Variants in CNTRL observed in about 807,000 individuals in gnomAD.
CNTRL encodes the protein 110 kDa centrosomal protein.
Under a neutral mutation model 303.7 loss-of-function variants are expected in CNTRL, and 233 were observed. The ratio of observed to expected loss-of-function variants is 0.77; its 90% CI spans 0.69 to 0.86. The LOEUF is 0.86. CNTRL is among the 40% of genes least tolerant of loss of function. The probability of loss-of-function intolerance (pLI) is 0.00; values close to 1 mark genes in which losing one functional copy is unlikely to be tolerated. For synonymous variants in CNTRL, 900 were observed against 922.2 expected (o/e 0.98, Z 0.44); for missense variants, 2,524 against 2,650.6 (o/e 0.95, Z 1.05).
chr9:121,159,106 G>T, intron 31 of CNTRL, 87 bp downstream of exon 31: 1 of 1,325,630 alleles, frequency 7.5e-7, no homozygotes, highest in South Asian at 1.4e-5. Flanking sequence ...CTCCCCAAAT[G>T]AAAATATAAA....
Position 121,113,637 on chromosome 9 carries a change from G to C in CNTRL, c.1258G>C (p.Glu420Gln), listed in dbSNP as rs765388993. ...ACAGATCAAGAAGATGGAGCCAGAT[G>C]AACAACTTAGAAATGATCACATGAA... ...AVQIKKMEPD[E>Q]QLRNDHMNLR... The change falls in exon 10 of 44, where the codon GAA (glutamate) becomes CAA (glutamine). Residue 420 changes from glutamate (E) to glutamine (Q), a missense_variant. Coordinates refer to ENST00000373855, the MANE Select transcript of CNTRL (RefSeq NM_007018.6). 1.9e-5 allele frequency: 30 copies of C among 1,608,700 alleles called. No homozygotes were observed. Among genetic ancestry groups the C allele is most frequent in the Non-Finnish European group, 2.5e-5 (30 of 1,178,226 alleles).
chr9:121,133,774 G>A (rs1564250971), intron 14 of CNTRL, among the ~76,000 whole-genome samples: 1 of 152,130 alleles, frequency 6.6e-6, no homozygotes, highest in East Asian at 1.9e-4. Flanking sequence ...TTCCTATTTG[G>A]CCATCTCGGA....
intron 2 of CNTRL, among the ~76,000 whole-genome samples, chr9:121,087,295 T>A (rs958171733): frequency 1.3e-5 from 2 of 151,912 alleles, no homozygotes; most frequent in African/African-American, 2.4e-5. Context: ...AGGAACGGGG[T>A]AAATAAATTC....
At position 121,094,907 on chromosome 9, in the gene CNTRL, A is replaced by C. The variant is rs779734165; in HGVS notation, c.368A>C (p.Lys123Thr). 2 of 1,574,348 alleles carry C rather than the reference A, an allele frequency of 1.3e-6. No individual in the cohort carries two copies. Among genetic ancestry groups the C allele is most frequent in the East Asian group, 2.3e-5 (1 of 44,206 alleles). The stretch of plus-strand genomic sequence containing the variant: ...AATTAGTATATTGAGAATTTGGAAA[A>C]ATGTGTTAAACTTGAAGTACTGAAT... Reference protein sequence around the residue: ...KKFKYIENLEKCVKLEVLNLS... With the variant: ...KKFKYIENLETCVKLEVLNLS... The change falls in exon 5 of 44, where the codon AAA becomes ACA. Residue 123 changes from lysine to threonine, a missense_variant. Coordinates refer to ENST00000373855, the MANE Select transcript of CNTRL (RefSeq NM_007018.6).
chr9:121,140,216 C>T (rs1445305617), intron 16 of CNTRL, among the ~76,000 whole-genome samples: 1 of 152,150 alleles, frequency 6.6e-6, no homozygotes, highest in Non-Finnish European at 1.5e-5. Context: ...ATTTTCAGGT[C>T]CAGCATTTAT....
chr9:121,150,754 C>T, intron 25 of CNTRL: 1 of 379,024 alleles, frequency 2.6e-6, no homozygotes, highest in Non-Finnish European at 4.7e-6. Context: ...CAGCAAAAAA[C>T]AAAAACCAAA....
chr9:121,162,258 G>C lies in CNTRL; in HGVS notation c.5410G>C (p.Ala1804Pro), dbSNP rs2052887174. 2.5e-6 allele frequency: 4 copies of C among 1,613,858 alleles called. No individual in the cohort carries two copies. Among genetic ancestry groups the C allele is most frequent in the Non-Finnish European group, 3.4e-6 (4 of 1,179,888 alleles). The change falls in exon 34 of 44, where the codon GCA becomes CCA. Residue 1804 changes from alanine to proline, a missense_variant. Coordinates refer to ENST00000373855, the MANE Select transcript of CNTRL (RefSeq NM_007018.6). ...EKCDIWEKKL[A>P]QTKRVLAAAE... ...ATGTGACATTTGGGAAAAAAAGTTGGCACAAACCAAAAGGTGAGAGCAAGA... is the reference window on the plus strand; with the variant it reads ...ATGTGACATTTGGGAAAAAAAGTTGCCACAAACCAAAAGGTGAGAGCAAGA...
chr9:121,143,557 T>G (rs1195770849), intron 19 of CNTRL, among the ~76,000 whole-genome samples: 5 of 152,198 alleles, frequency 3.3e-5, no homozygotes, highest in Non-Finnish European at 7.3e-5. Flanking sequence ...CCTCCTATCA[T>G]TTTCTCAAAA....
intron 15 of CNTRL, among the ~76,000 whole-genome samples, chr9:121,136,733 G>A (rs2051219195): frequency 6.6e-6 from 1 of 152,200 alleles, no homozygotes; most frequent in Non-Finnish European, 1.5e-5. Flanking sequence ...AATATTTATT[G>A]ATTGGCCATT....
intron 1 of CNTRL, among the ~76,000 whole-genome samples, chr9:121,076,954 CTG>C (rs1201723552): frequency 1.3e-5 from 2 of 151,938 alleles, no homozygotes; most frequent in African/African-American, 2.4e-5. Flanking sequence ...ATTAGGGAGT[CTG>C]TAGAGAGACA....
At position 121,141,574 on chromosome 9, in the gene CNTRL, G is replaced by A; in HGVS notation, c.2677G>A (p.Ala893Thr). Reference protein sequence around the residue: ...QEEFRQACERALEARMNFDKR... With the variant: ...QEEFRQACERTLEARMNFDKR... The stretch of plus-strand genomic sequence containing the variant: ...AGAGTTCAGGCAGGCCTGTGAGAGA[G>A]CCCTGGAAGCAAGAGTAAGACAAGG... Residue 893 changes from alanine to threonine, a missense_variant, in exon 18 of 44, where the codon GCC becomes ACC. By Grantham distance (58) the Ala-to-Thr change is moderately conservative. Transcript: ENST00000373855. 1 of 1,614,014 alleles carries A rather than the reference G, an allele frequency of 6.2e-7. No homozygotes were observed. The highest frequency in any genetic ancestry group is 8.5e-7 in the Non-Finnish European group (1 of 1,179,978).
At position 121,098,547 on chromosome 9, in the gene CNTRL, G is replaced by A. The variant is rs892525330; in HGVS notation, c.783G>A (p.Gln261=). ...EGQPVTTQDR[Q]EAFERFSLEE... ...AGCCAGTAACCACTCAGGATAGACA[G>A]GAGGCTTTTGAGAGATTCAGTTTAG... The change falls in exon 7 of 44, where the codon CAG becomes CAA. Residue 261 remains glutamine (Q), a synonymous_variant. Coordinates refer to ENST00000373855, the MANE Select transcript of CNTRL (RefSeq NM_007018.6). The A allele has an allele frequency of 3.7e-6, 6 of 1,604,064 alleles. No homozygotes were observed. The African/African-American group carries it at 8.1e-5, about 22-fold the overall frequency.
chr9:121,101,020 A>C (rs567525104), intron 7 of CNTRL, among the ~76,000 whole-genome samples: 2 of 152,318 alleles, frequency 1.3e-5, no homozygotes, highest in South Asian at 4.1e-4. Context: ...GTTAACAAGG[A>C]TATCCAGGAA....
In CNTRL at chr9:121,160,308, T is replaced by C; in HGVS notation, c.5089+6T>C. 6.8e-7 allele frequency: 1 copy of C among 1,479,124 alleles called. No individual in the cohort carries two copies. The highest frequency in any genetic ancestry group is 8.9e-7 in the Non-Finnish European group (1 of 1,118,040). The allele number at this position is 1,479,124 out of a possible 1,614,324, so 91.6% of individuals were successfully genotyped here. On this transcript the variant is annotated splice_donor_region_variant and intron_variant, in intron 32 of 43. Coordinates refer to ENST00000373855, the MANE Select transcript of CNTRL (RefSeq NM_007018.6). ...GATGTCTAAACATAAAACCGGTAAG[T>C]TTAAAGGAAAACAATCATACAAAGT...
chr9:121,150,268 C>T lies in CNTRL; in HGVS notation c.3748C>T (p.Leu1250Phe). Residue 1250 changes from leucine (L) to phenylalanine (F), a missense_variant, in exon 25 of 44, where the codon CTT becomes TTT. Transcript: ENST00000373855. ...TCCTGGATACATGATGTATACTGTG[C>T]TTCCTGATGGTTCTCCTGTACCCCA... ...PPPGYMMYTV[L>F]PDGSPVPQGM... The T allele has an allele frequency of 6.2e-7, 1 of 1,614,182 alleles. No individual in the cohort carries two copies. Among genetic ancestry groups the T allele is most frequent in the Non-Finnish European group, 8.5e-7 (1 of 1,180,000 alleles).
chr9:121,162,512 A>G (rs2052901812), intron 34 of CNTRL, among the ~76,000 whole-genome samples: 1 of 152,064 alleles, frequency 6.6e-6, no homozygotes, highest in South Asian at 2.1e-4. Flanking sequence ...CATGCTGGAA[A>G]TAAATGGAGA....
chr9:121,093,751 A>G (rs1361585156), intron 4 of CNTRL, among the ~76,000 whole-genome samples: 1 of 152,198 alleles, frequency 6.6e-6, no homozygotes, highest in Non-Finnish European at 1.5e-5. Context: ...GCAATGCCTC[A>G]TATGTAGTAA....
intron 16 of CNTRL, among the ~76,000 whole-genome samples, chr9:121,139,249 T>C (rs1194622947): frequency 6.6e-6 from 1 of 152,196 alleles, no homozygotes; most frequent in Non-Finnish European, 1.5e-5. Flanking sequence ...GGATAGGATT[T>C]TTCAGATAAT....
chr9:121,119,947 T>C (rs2050155695), intron 12 of CNTRL, among the ~76,000 whole-genome samples: 1 of 152,204 alleles, frequency 6.6e-6, no homozygotes. Context: ...TTCTCTGGAA[T>C]GTTTCTTCCT....
Sources: allele counts gnomAD v4.1 joint callset (sites outside exome capture counted in the v4.1 genomes callset), GRCh38; gene constraint gnomAD v4.1.1; transcripts MANE v1.5; gene names NCBI Gene and HGNC (gene_info 2026-07-23, HGNC 2026-07-21).